The following DACH2 variants were observed in gnomAD, a reference collection of about 807,000 sequenced individuals.
DACH2 encodes the protein dachshund family transcription factor 2.
A neutral mutation model predicts 35.8 loss-of-function variants in DACH2; 17 were observed. The observed-to-expected ratio is 0.48, with a 90% CI of 0.33 to 0.71. DACH2 has a LOEUF of 0.71. Among genes scored for constraint, DACH2 ranks in the 30% least tolerant of loss-of-function variants. The pLI is 0.02. For missense variants in DACH2, 469 were observed against 472.7 expected, an observed-to-expected ratio of 0.99 and a Z score of 0.07; for synonymous variants, 195 against 177.3, an observed-to-expected ratio of 1.10 and a Z score of -0.79.
chrX:86,814,414 T>C (rs886520173), intron 9 of DACH2, among the ~76,000 whole-genome samples: 3 of 111,604 alleles, frequency 2.7e-5, no homozygotes, highest in Non-Finnish European at 5.6e-5. Flanking sequence ...CCACCACCAC[T>C]ACCACCATCA....
At chrX:86,347,295 C>T (rs2035512747) in intron 1 of DACH2, among the ~76,000 whole-genome samples, 1 of 112,569 alleles carries the variant, frequency 8.9e-6, no homozygotes, top group Admixed American at 9.4e-5. Flanking sequence ...TTTTCCCAAG[C>T]CGTAAATTAA....
At chrX:86,199,957 A>C (rs2032104054) in intron 1 of DACH2, among the ~76,000 whole-genome samples, 1 of 112,356 alleles carries the variant, frequency 8.9e-6, no homozygotes, top group Non-Finnish European at 1.9e-5. Context: ...TTTAAAATTC[A>C]TATGCAACCA....
intron 3 of DACH2, among the ~76,000 whole-genome samples, chrX:86,608,498 A>G (rs1343341575): frequency 2.7e-5 from 3 of 112,044 alleles, no homozygotes; most frequent in Non-Finnish European, 3.8e-5. Context: ...CAGTGTTATT[A>G]CAGTCTGTGT....
chrX:86,573,448 G>C (rs1397751425), intron 3 of DACH2, among the ~76,000 whole-genome samples: 1 of 111,557 alleles, frequency 9.0e-6, no homozygotes, highest in Non-Finnish European at 1.9e-5. Context: ...AAAAATAAAT[G>C]ATGTGAAGAA....
intron 1 of DACH2, among the ~76,000 whole-genome samples, chrX:86,210,369 GT>G (rs1320184671): frequency 1.8e-5 from 2 of 111,111 alleles, no homozygotes; most frequent in Non-Finnish European, 3.8e-5. Flanking sequence ...TTTAGGATGT[GT>G]ATAATTTTTC....
chrX:86,669,123 G>T (rs146852452), intron 4 of DACH2, among the ~76,000 whole-genome samples: 5,321 of 110,910 alleles, frequency 0.048, 139 homozygotes, highest in East Asian at 0.15. Context: ...AATACCTGGA[G>T]GTCTTAGATT....
chrX:86,238,860 T>A (rs1352060636), intron 1 of DACH2, among the ~76,000 whole-genome samples: 1 of 111,608 alleles, frequency 9.0e-6, no homozygotes, highest in Non-Finnish European at 1.9e-5. Context: ...TTCAATAAAA[T>A]GTTTTTTATT....
At chrX:86,225,811 A>G (rs752382901) in intron 1 of DACH2, among the ~76,000 whole-genome samples, 2 of 111,419 alleles carry the variant, frequency 1.8e-5, no homozygotes, top group South Asian at 7.5e-4. Flanking sequence ...TGAAGGCACA[A>G]TAGCCATACT....
chrX:86,583,338 C>T (rs1200108714), intron 3 of DACH2, among the ~76,000 whole-genome samples: 3 of 109,921 alleles, frequency 2.7e-5, no homozygotes, highest in African/African-American at 9.9e-5. Flanking sequence ...TCTTATTGAA[C>T]ATAGTACTGG....
intron 1 of DACH2, among the ~76,000 whole-genome samples, chrX:86,246,831 T>C (rs375114213): frequency 1.8e-5 from 2 of 111,657 alleles, no homozygotes; most frequent in East Asian, 5.6e-4. Context: ...CATATCAATA[T>C]TAACCTTGAA....
chrX:86,156,134 G>T (rs2030537271), intron 1 of DACH2, among the ~76,000 whole-genome samples: 1 of 110,817 alleles, frequency 9.0e-6, no homozygotes, highest in South Asian at 3.7e-4. Flanking sequence ...ATGCAAAATT[G>T]AATATGTTTT....
At chrX:86,631,681 G>A (rs2040202518) in intron 3 of DACH2, among the ~76,000 whole-genome samples, 1 of 112,024 alleles carries the variant, frequency 8.9e-6, no homozygotes, top group African/African-American at 3.2e-5. Flanking sequence ...ATTACTCATA[G>A]TTCTCCCTTG....
intron 4 of DACH2, among the ~76,000 whole-genome samples, chrX:86,667,883 A>T (rs766396119): frequency 3.7e-4 from 42 of 112,207 alleles, no homozygotes; most frequent in African/African-American, 1.3e-3. Flanking sequence ...AACTTTCCAT[A>T]AGAAAATTGT....
chrX:86,643,180 T>A (rs1414442979), intron 3 of DACH2, among the ~76,000 whole-genome samples: 1 of 106,654 alleles, frequency 9.4e-6, no homozygotes, highest in Non-Finnish European at 1.9e-5. Context: ...TTGTTTTTTT[T>A]TTTTTTTGAA....
At chrX:86,603,546 T>C (rs1259249762) in intron 3 of DACH2, among the ~76,000 whole-genome samples, 1 of 111,629 alleles carries the variant, frequency 9.0e-6, no homozygotes, top group Non-Finnish European at 1.9e-5. Flanking sequence ...ATGATTCATG[T>C]TGAGGCAAAA....
chrX:86,745,470 T>C (rs944062757), intron 7 of DACH2, among the ~76,000 whole-genome samples: 2 of 111,251 alleles, frequency 1.8e-5, no homozygotes, highest in African/African-American at 6.5e-5. Context: ...TTTGTTTCTA[T>C]GTGTTCTCAA....
At chrX:86,398,944 A>G (rs1328669471) in intron 2 of DACH2, among the ~76,000 whole-genome samples, 1 of 111,175 alleles carries the variant, frequency 9.0e-6, no homozygotes. Flanking sequence ...TATCCTTGTT[A>G]ACTTTCTGTC....
intron 1 of DACH2, among the ~76,000 whole-genome samples, chrX:86,302,515 C>T (rs2034593727): frequency 9.0e-6 from 1 of 111,082 alleles, no homozygotes; most frequent in African/African-American, 3.3e-5. Context: ...TTTATATCTT[C>T]TCCTGAGTGC....
chrX:86,707,856 A>G lies in DACH2; in HGVS notation c.932-6692A>G, dbSNP rs780668170. The stretch of plus-strand genomic sequence containing the variant: ...CTTGAACCAGGGAGGTGGAGGTTGC[A>G]GTGAGCCGAGATCACACCACTGTAT... On this transcript the variant is annotated intron_variant, in intron 5 of 11. Coordinates refer to ENST00000373125, the MANE Select transcript of DACH2 (RefSeq NM_053281.3). Among the ~76,000 whole-genome samples, 17 of 94,285 alleles carry G rather than the reference A, an allele frequency of 1.8e-4. 1 individual carries two copies. In the South Asian group the frequency reaches 6.3e-3, roughly 35 times the overall value. 81.9% of individuals were successfully genotyped at this position (94,285 alleles called of 115,157 possible).
Sources: allele counts gnomAD v4.1 joint callset (sites outside exome capture counted in the v4.1 genomes callset), GRCh38; gene constraint gnomAD v4.1.1; transcripts MANE v1.5; gene names NCBI Gene and HGNC (gene_info 2026-07-23, HGNC 2026-07-21).